The following LINGO2 variants were observed in gnomAD, a reference collection of about 807,000 sequenced individuals.
The protein encoded by LINGO2 is leucine-rich repeat and immunoglobulin-like domain-containing nogo receptor-interacting protein 2.
LINGO2 carries 14 observed loss-of-function variants against 30.6 expected under a neutral mutation model. The ratio of observed to expected loss-of-function variants is 0.46; its 90% CI spans 0.30 to 0.72. The LOEUF (loss-of-function observed/expected upper bound fraction) is 0.72, where lower values mean the gene tolerates loss of function less well. Ranked by LOEUF, LINGO2 falls within the 30% of genes least tolerant of loss-of-function variation. The pLI, the probability that LINGO2 is intolerant of heterozygous loss-of-function variation, is 0.07. For missense variants in LINGO2, 729 were observed against 751.7 expected (o/e 0.97, Z 0.35); for synonymous variants, 317 against 288.5 (o/e 1.10, Z -1.00).
chr9:28,086,810 C>T (rs534260266), intron 4 of LINGO2, among the ~76,000 whole-genome samples: 1 of 152,136 alleles, frequency 6.6e-6, no homozygotes, highest in African/African-American at 2.4e-5. Flanking sequence ...CATCTCAAGG[C>T]TATAATTTTA....
chr9:28,924,395 A>G, the LINGO2 span, among the ~76,000 whole-genome samples: 549 of 152,040 alleles, frequency 3.6e-3, 2 homozygotes, highest in African/African-American at 0.013. Flanking sequence ...TAATTTTTGT[A>G]TTTTTTGTAG....
Position 28,130,237 on chromosome 9 carries a change from A to G in LINGO2, c.-86-117832T>C, listed in dbSNP as rs536819821. Reference sequence around the variant, plus strand: ...TTAACACACTTCATCAGATTTTGAAACTTGCTGCTTATTTTCTGATTCAAT... The same window carrying G: ...TTAACACACTTCATCAGATTTTGAAGCTTGCTGCTTATTTTCTGATTCAAT... On this transcript the variant is annotated intron_variant, in intron 4 of 5. Coordinates refer to ENST00000379992, the Ensembl canonical transcript of LINGO2. This position sits in a 1 kb window ranked among gnomAD's most constrained non-coding sequence, Gnocchi z 5.2. Among the ~76,000 whole-genome samples, 1 of 152,306 alleles carries G rather than the reference A, an allele frequency of 6.6e-6. No homozygotes were observed. The highest frequency in any genetic ancestry group is 1.9e-4 in the East Asian group (1 of 5,184).
chr9:28,744,598 G>C, the LINGO2 span, among the ~76,000 whole-genome samples: 1 of 148,832 alleles, frequency 6.7e-6, no homozygotes, highest in African/African-American at 2.5e-5. Context: ...TCCTGGCTCA[G>C]ATATTCCCCT....
the LINGO2 span, among the ~76,000 whole-genome samples, chr9:28,876,339 T>C: frequency 6.6e-6 from 1 of 152,016 alleles, no homozygotes; most frequent in African/African-American, 2.4e-5. Flanking sequence ...CATGCTGGTG[T>C]GCTGCACCCA....
intron 2 of LINGO2, among the ~76,000 whole-genome samples, chr9:28,470,488 TC>T (rs1825476258): frequency 6.6e-6 from 1 of 152,184 alleles, no homozygotes; most frequent in Non-Finnish European, 1.5e-5. Flanking sequence ...GATGGAGCTG[TC>T]ACACTTGCTG....
chr9:28,939,389 T>C, the LINGO2 span, among the ~76,000 whole-genome samples: 1 of 152,164 alleles, frequency 6.6e-6, no homozygotes, highest in East Asian at 1.9e-4. Flanking sequence ...AACTTCCTAT[T>C]TCTGTTTGTG....
intron 4 of LINGO2, among the ~76,000 whole-genome samples, chr9:28,134,692 A>G (rs1032786193): frequency 2.0e-5 from 3 of 152,256 alleles, no homozygotes; most frequent in Non-Finnish European, 2.9e-5. Context: ...GAATGCTGCC[A>G]TCAGAGAGCA....
At chr9:29,207,590 T>C in the LINGO2 span, among the ~76,000 whole-genome samples, 3 of 152,226 alleles carry the variant, frequency 2.0e-5, no homozygotes, top group East Asian at 3.9e-4. Flanking sequence ...TCTACCTTTA[T>C]AGGCAATTTG....
At chr9:28,801,661 C>T in the LINGO2 span, among the ~76,000 whole-genome samples, 1 of 152,056 alleles carries the variant, frequency 6.6e-6, no homozygotes, top group East Asian at 1.9e-4. Context: ...TGGTAAACTC[C>T]TTCCAGGTGG....
chr9:29,201,446 TCC>T, the LINGO2 span, among the ~76,000 whole-genome samples: 1 of 152,016 alleles, frequency 6.6e-6, no homozygotes, highest in Admixed American at 6.6e-5. Flanking sequence ...CAATCATCAA[TCC>T]AGGTCTAAAT....
chr9:28,879,273 A>C, the LINGO2 span, among the ~76,000 whole-genome samples: 1 of 152,284 alleles, frequency 6.6e-6, no homozygotes, highest in South Asian at 2.1e-4. Context: ...AGGAGAGTGA[A>C]ACAAGGGTCT....
intron 1 of LINGO2, among the ~76,000 whole-genome samples, chr9:28,482,724 G>A (rs1220489531): frequency 6.6e-6 from 1 of 152,034 alleles, no homozygotes; most frequent in Non-Finnish European, 1.5e-5. Flanking sequence ...TGGCAAACCT[G>A]ACAAAAACAA....
At chr9:28,111,813 G>C (rs2133364223) in intron 4 of LINGO2, among the ~76,000 whole-genome samples, 1 of 152,216 alleles carries the variant, frequency 6.6e-6, no homozygotes, top group East Asian at 1.9e-4. Context: ...GAGTCACACA[G>C]GGGAGAGTGA....
At chr9:28,955,288 T>C in the LINGO2 span, among the ~76,000 whole-genome samples, 1 of 152,086 alleles carries the variant, frequency 6.6e-6, no homozygotes, top group African/African-American at 2.4e-5. Context: ...AAGTATGCTA[T>C]CATATTAGAT....
At chr9:29,088,560 C>A in the LINGO2 span, among the ~76,000 whole-genome samples, 5 of 152,254 alleles carry the variant, frequency 3.3e-5, no homozygotes, top group South Asian at 1.0e-3. Flanking sequence ...AATTTTATAA[C>A]ATCTTCTAAC....
At chr9:28,591,283 A>G (rs1824895453) in intron 1 of LINGO2, among the ~76,000 whole-genome samples, 1 of 152,092 alleles carries the variant, frequency 6.6e-6, no homozygotes. Flanking sequence ...CATTGTGCAC[A>G]TGTACCCTAA....
chr9:28,401,921 C>T (rs918859897), intron 2 of LINGO2, among the ~76,000 whole-genome samples: 1 of 152,064 alleles, frequency 6.6e-6, no homozygotes, highest in Admixed American at 6.6e-5. Flanking sequence ...TCTGTTGGCC[C>T]TATAAATATC....
intron 1 of LINGO2, among the ~76,000 whole-genome samples, chr9:28,561,952 T>C (rs1022376622): frequency 6.6e-6 from 1 of 151,458 alleles, no homozygotes; most frequent in Admixed American, 6.6e-5. Context: ...CAATTTGTAC[T>C]CGCTGAACTT....
At chr9:27,982,604 G>A (rs949983846) in intron 5 of LINGO2, among the ~76,000 whole-genome samples, 2 of 151,866 alleles carry the variant, frequency 1.3e-5, no homozygotes, top group African/African-American at 4.8e-5. Context: ...TAAAGGTTAA[G>A]TAACTTACCT....
Sources: gnomAD v4.1 joint callset for allele counts (sites outside exome capture counted in the v4.1 genomes callset) on GRCh38, gnomAD v4.1.1 for gene constraint, Gnocchi (gnomAD v3.1) non-coding constraint, MANE v1.5 for transcripts, NCBI Gene and HGNC (gene_info 2026-07-23, HGNC 2026-07-21) for gene names.